Variants in TMEM68 observed in about 807,000 individuals in gnomAD.
TMEM68 encodes the protein DGAT1/2-independent enzyme synthesizing storage lipids.
In TMEM68, 25 loss-of-function variants were observed where a neutral mutation model predicts 36.9. The observed-to-expected ratio is 0.68, with a 90% confidence interval of 0.49 to 0.95. The LOEUF (loss-of-function observed/expected upper bound fraction) is 0.95, where lower values mean the gene tolerates loss of function less well. Among genes scored for constraint, TMEM68 ranks in the 40% least tolerant of loss-of-function variants. TMEM68 has a pLI of 0.00. For synonymous variants in TMEM68, 131 were observed against 124.4 expected (o/e 1.05, Z -0.35); for missense variants, 333 against 392.0 (o/e 0.85, Z 1.27).
chr8:55,763,626 G>A (rs1469996003), intron 2 of TMEM68: 1 of 152,114 alleles, frequency 6.6e-6, no homozygotes, highest in African/African-American at 2.4e-5. Flanking sequence ...GACCTCAAGT[G>A]GTCCACCCAC....
rs1279557743 is a variant in TMEM68 at position 55,754,844 on chromosome 8, ATATATT to A, written c.493+1394_493+1399del. Among the ~76,000 whole-genome samples, 5 of 134,150 alleles carry A rather than the reference ATATATT, an allele frequency of 3.7e-5. No individual in the cohort carries two copies. In the East Asian group the frequency reaches 8.0e-4, roughly 22 times the overall value. The allele number at this position is 134,150 out of a possible 152,430, so 88.0% of individuals were successfully genotyped here. A position where few individuals can be genotyped will look rare whatever the true frequency, so the allele number is the denominator to read the frequency against. On this transcript the variant is annotated intron_variant, in intron 4 of 7. Transcript: ENST00000434581. ...ATATAAAATACATATATTATGTAATATATATTTATATTATATATAAAATATATAGTA... is the reference window on the plus strand; with the variant it reads ...ATATAAAATACATATATTATGTAATATATATTATATATAAAATATATAGTA...
intron 1 of TMEM68, among the ~76,000 whole-genome samples, chr8:55,771,030 C>T (rs1212396779): frequency 6.6e-6 from 1 of 152,082 alleles, no homozygotes; most frequent in Non-Finnish European, 1.5e-5. Context: ...TGGCGCATGC[C>T]TGTAAACCCA....
chr8:55,741,506 G>C (rs1810101896), intron 7 of TMEM68, among the ~76,000 whole-genome samples: 1 of 152,174 alleles, frequency 6.6e-6, no homozygotes, highest in Non-Finnish European at 1.5e-5. Flanking sequence ...TTAAAACGAA[G>C]AATCAAGTAC....
chr8:55,744,864 T>C (rs913222866), intron 6 of TMEM68, among the ~76,000 whole-genome samples, 197 bp downstream of exon 6: 5 of 152,202 alleles, frequency 3.3e-5, no homozygotes, highest in Non-Finnish European at 7.3e-5. Flanking sequence ...TGTGTATATG[T>C]ACTCTCAACA....
chr8:55,773,039 G>A (rs1324615158), intron 1 of TMEM68: 1 of 152,432 alleles, frequency 6.6e-6, no homozygotes, highest in African/African-American at 2.4e-5. Flanking sequence ...CCCAGAGGAG[G>A]GAGGATCTCC....
At chr8:55,755,644 ACT>A (rs1810582501) in intron 4 of TMEM68, among the ~76,000 whole-genome samples, 1 of 151,628 alleles carries the variant, frequency 6.6e-6, no homozygotes, top group East Asian at 1.9e-4. Flanking sequence ...GAGTTATCAA[ACT>A]CTAATTATAA....
At chr8:55,761,902 C>G (rs1200613822) in intron 3 of TMEM68, 1 of 152,054 alleles carries the variant, frequency 6.6e-6, no homozygotes, top group Non-Finnish European at 1.5e-5. Flanking sequence ...TTGTTACCTG[C>G]CTATTGAATC....
At chr8:55,740,643 T>C (rs74426261) in intron 7 of TMEM68, among the ~76,000 whole-genome samples, 2,284 of 152,198 alleles carry the variant, frequency 0.015, 64 homozygotes, top group African/African-American at 0.051. Flanking sequence ...GGAAAAAAAA[T>C]AGAAAAATTT....
chr8:55,761,745 T>C (rs974607408), intron 3 of TMEM68: 12 of 152,234 alleles, frequency 7.9e-5, no homozygotes, highest in African/African-American at 2.9e-4. Context: ...ATTAGTCTAA[T>C]AAGCATGTCA....
chr8:55,769,624 T>C (rs976544260), intron 1 of TMEM68, among the ~76,000 whole-genome samples: 6 of 151,994 alleles, frequency 3.9e-5, no homozygotes, highest in African/African-American at 1.5e-4. Flanking sequence ...ACAACTGAAC[T>C]GTGTTCGTCT....
chr8:55,765,501 GCTAATCTGTGTAAAGAGC>G (rs1810937025), intron 1 of TMEM68, among the ~76,000 whole-genome samples: 1 of 152,098 alleles, frequency 6.6e-6, no homozygotes, highest in Non-Finnish European at 1.5e-5. Context: ...GATTACATGG[GCTAATCTGTGTAAAGAGC>G]CTAGAATACC....
chr8:55,756,210 C>T (rs1810603135), intron 4 of TMEM68, 34 bp downstream of exon 4: 2 of 1,566,938 alleles, frequency 1.3e-6, no homozygotes, highest in African/African-American at 2.8e-5. Context: ...GTTAATAAAA[C>T]ATTTTTACAT....
chr8:55,767,663 C>T (rs1811013377), intron 1 of TMEM68, among the ~76,000 whole-genome samples: 1 of 152,162 alleles, frequency 6.6e-6, no homozygotes, highest in Non-Finnish European at 1.5e-5. Context: ...TCTGGCCAGG[C>T]ACAGTGGCTC....
intron 3 of TMEM68, 56 bp downstream of exon 3, chr8:55,762,579 A>G (rs1351899158): frequency 1.2e-6 from 2 of 1,606,700 alleles, no homozygotes; most frequent in African/African-American, 2.7e-5. Flanking sequence ...ATGGTAACAC[A>G]GTTCCAATGC....
intron 3 of TMEM68, among the ~76,000 whole-genome samples, chr8:55,758,321 T>A (rs543117969): frequency 6.6e-6 from 1 of 152,238 alleles, no homozygotes; most frequent in Admixed American, 6.5e-5. Context: ...TTCTTAGTCA[T>A]AAATCCTATT....
intron 4 of TMEM68, among the ~76,000 whole-genome samples, chr8:55,751,994 C>T (rs530168084): frequency 2.6e-5 from 4 of 152,132 alleles, no homozygotes; most frequent in South Asian, 2.1e-4. Context: ...GGATCACTTG[C>T]GGTCAGGAGT....
intron 1 of TMEM68, among the ~76,000 whole-genome samples, chr8:55,769,553 C>T (rs971540844): frequency 6.6e-6 from 1 of 151,966 alleles, no homozygotes; most frequent in African/African-American, 2.4e-5. Flanking sequence ...TCTAAGAAAA[C>T]ATACGAAAAA....
intron 3 of TMEM68, among the ~76,000 whole-genome samples, chr8:55,756,897 G>A: frequency 6.6e-6 from 1 of 152,084 alleles, no homozygotes; most frequent in East Asian, 1.9e-4. Flanking sequence ...CCTGGTGTAG[G>A]GCATCACAGC....
At chr8:55,746,745 AG>A (rs2129925379) in intron 5 of TMEM68, 1 of 152,348 alleles carries the variant, frequency 6.6e-6, no homozygotes, top group East Asian at 1.9e-4. Context: ...AAGAGACTAC[AG>A]GCAAAGCCTT....
Sources: gnomAD v4.1 joint callset for allele counts (sites outside exome capture counted in the v4.1 genomes callset) on GRCh38, gnomAD v4.1.1 for gene constraint, MANE v1.5 for transcripts, NCBI Gene and HGNC (gene_info 2026-07-23, HGNC 2026-07-21) for gene names.